The following TMEM135 variants were observed in gnomAD, a reference collection of about 807,000 sequenced individuals.
The protein encoded by TMEM135 is peroxisomal membrane protein 52.
In TMEM135, 30 loss-of-function variants were observed where a neutral mutation model predicts 60.3. That is an observed-to-expected ratio of 0.50 (90% confidence interval 0.37 to 0.68). The LOEUF is 0.68. TMEM135 is among the 30% of genes least tolerant of loss of function. TMEM135 has a pLI of 0.00. For synonymous variants in TMEM135, 190 were observed against 186.7 expected (o/e 1.02, Z -0.14); for missense variants, 468 against 548.8 (o/e 0.85, Z 1.47).
chr11:87,080,759 T>C (rs985234692), intron 3 of TMEM135, among the ~76,000 whole-genome samples: 2 of 152,206 alleles, frequency 1.3e-5, no homozygotes, highest in Non-Finnish European at 2.9e-5. Context: ...TGATGTCGGC[T>C]CACTGCAACC....
At chr11:87,059,374 G>T (rs572948504) in intron 1 of TMEM135, among the ~76,000 whole-genome samples, 1 of 149,360 alleles carries the variant, frequency 6.7e-6, no homozygotes, top group African/African-American at 2.5e-5. Context: ...GCGTGATCTC[G>T]GTTCACTGCA....
intron 6 of TMEM135, among the ~76,000 whole-genome samples, chr11:87,245,601 C>T (rs796149284): frequency 0.047 from 5,748 of 121,144 alleles, 215 homozygotes; most frequent in African/African-American, 0.11. Flanking sequence ...TTTACCATTA[C>T]GTAATGGCCT....
intron 7 of TMEM135, among the ~76,000 whole-genome samples, chr11:87,299,349 G>A (rs566187932): frequency 6.6e-6 from 1 of 152,160 alleles, no homozygotes; most frequent in South Asian, 2.1e-4. Flanking sequence ...GAGAGCTAGA[G>A]TGAGGGAGTG....
intron 3 of TMEM135, among the ~76,000 whole-genome samples, chr11:87,075,754 C>T (rs1213806270): frequency 1.3e-5 from 2 of 152,162 alleles, no homozygotes; most frequent in African/African-American, 2.4e-5. Context: ...GTCCCAAGCC[C>T]AATATCATTA....
chr11:87,216,137 G>A (rs1246360598), intron 5 of TMEM135, among the ~76,000 whole-genome samples: 1 of 152,106 alleles, frequency 6.6e-6, no homozygotes, highest in African/African-American at 2.4e-5. Flanking sequence ...GTGTATATAG[G>A]GTTTGGCATT....
intron 3 of TMEM135, among the ~76,000 whole-genome samples, chr11:87,083,420 T>C (rs1857030320): frequency 6.6e-6 from 1 of 152,206 alleles, no homozygotes; most frequent in Non-Finnish European, 1.5e-5. Flanking sequence ...TGCTTTGATA[T>C]TTAGTATTAG....
intron 4 of TMEM135, among the ~76,000 whole-genome samples, chr11:87,102,814 T>G (rs1857494535): frequency 6.6e-6 from 1 of 151,308 alleles, no homozygotes; most frequent in South Asian, 2.1e-4. Context: ...ATTTGAAATT[T>G]ACTCTTAGCT....
chr11:87,308,599 C>T (rs1330115745), intron 9 of TMEM135, among the ~76,000 whole-genome samples: 1 of 151,680 alleles, frequency 6.6e-6, no homozygotes, highest in Non-Finnish European at 1.5e-5. Flanking sequence ...CAATTCCAGT[C>T]AGAGTTAGAG....
Position 87,327,507 on chromosome 11 carries a change from A to G in TMEM135, c.*6174A>G, listed in dbSNP as rs902103034. 7 of 453,832 alleles carry G rather than the reference A, an allele frequency of 1.5e-5. No individual in the cohort carries two copies. The East Asian group carries it at 4.9e-4, about 32-fold the overall frequency. 28.1% of individuals were successfully genotyped at this position (453,832 alleles called of 1,614,324 possible). ...AGTCAGGGTTTCCCAGAGAGGCAGA[A>G]CAATAGGGATAGAGAGATACATAGA... On this transcript the variant is annotated 3_prime_UTR_variant, in exon 15 of 15. Coordinates refer to ENST00000305494, the MANE Select transcript of TMEM135 (RefSeq NM_022918.4).
chr11:87,041,750 G>A lies in TMEM135; in HGVS notation c.141+3564G>A, dbSNP rs139228042. On this transcript the variant is annotated intron_variant, in intron 1 of 14. Coordinates refer to ENST00000305494, the MANE Select transcript of TMEM135 (RefSeq NM_022918.4). ...TTAATATATGTCTAAATGAGTGAAG[G>A]TATGAATGAATAAGCATATGAATAG... Among the ~76,000 whole-genome samples, 12 of 152,202 alleles carry A rather than the reference G, an allele frequency of 7.9e-5. No homozygotes were observed. In the East Asian group the frequency reaches 1.9e-3, roughly 24 times the overall value.
At chr11:87,159,576 A>G (rs1320730253) in intron 5 of TMEM135, among the ~76,000 whole-genome samples, 3 of 126,472 alleles carry the variant, frequency 2.4e-5, no homozygotes, top group African/African-American at 3.1e-5. Flanking sequence ...CAAAGATACT[A>G]CTGAATACAC....
chr11:87,279,626 T>C (rs546492261), intron 6 of TMEM135, among the ~76,000 whole-genome samples: 14 of 152,362 alleles, frequency 9.2e-5, no homozygotes, highest in African/African-American at 3.4e-4. Flanking sequence ...TAATAATTGC[T>C]TGTTGAACAG....
chr11:87,311,222 T>C (rs189263405), intron 10 of TMEM135, among the ~76,000 whole-genome samples: 1 of 151,862 alleles, frequency 6.6e-6, no homozygotes, highest in East Asian at 1.9e-4. Context: ...ACAGTGTTGT[T>C]TTCTGTAAAA....
At position 87,049,582 on chromosome 11, in the gene TMEM135, A is replaced by G. The variant is rs1949823540; in HGVS notation, c.141+11396A>G. 1.6e-5 allele frequency among the ~76,000 whole-genome samples: 2 copies of G among 126,256 alleles called. 1 individual carries two copies. The highest frequency in any genetic ancestry group is 3.5e-5 in the Non-Finnish European group (2 of 57,876). 82.8% of individuals were successfully genotyped at this position (126,256 alleles called of 152,430 possible). A position where few individuals can be genotyped will look rare whatever the true frequency, so the allele number is the denominator to read the frequency against. ...AAGAGACAAAGAAGGCCATTACATA[A>G]TGGTAAAGGGATCAATTCAACAAGA... On this transcript the variant is annotated intron_variant, in intron 1 of 14. Coordinates refer to ENST00000305494, the MANE Select transcript of TMEM135 (RefSeq NM_022918.4).
intron 5 of TMEM135, among the ~76,000 whole-genome samples, chr11:87,171,729 G>T (rs1939241997): frequency 6.6e-6 from 1 of 152,138 alleles, no homozygotes; most frequent in South Asian, 2.1e-4. Flanking sequence ...TGCCTAGGTA[G>T]TGGTGTCCGA....
chr11:87,175,720 A>G (rs1007234741), intron 5 of TMEM135, among the ~76,000 whole-genome samples: 1 of 152,144 alleles, frequency 6.6e-6, no homozygotes, highest in South Asian at 2.1e-4. Context: ...CAAGAAAGCA[A>G]TTATTTCCAC....
rs143009066 is a variant in TMEM135 at position 87,273,304 on chromosome 11, G to T, written c.510-22478G>T. ...TTAAATAAAATACCATACAGATATT[G>T]TTATTACCTACCCGTGTTTATCAGA... On this transcript the variant is annotated intron_variant, in intron 6 of 14. Coordinates refer to ENST00000305494, the MANE Select transcript of TMEM135 (RefSeq NM_022918.4). 4.7e-3 allele frequency among the ~76,000 whole-genome samples: 709 copies of T among 152,214 alleles called. 2 individuals are homozygous for T. Among genetic ancestry groups the T allele is most frequent in the Middle Eastern group, 0.02 (6 of 294 alleles).
chr11:87,116,119 C>A (rs1374873855), intron 4 of TMEM135, among the ~76,000 whole-genome samples: 2 of 151,996 alleles, frequency 1.3e-5, no homozygotes, highest in Non-Finnish European at 2.9e-5. Flanking sequence ...AGTTTCCATT[C>A]CAGTTTGGCC....
In TMEM135 at chr11:87,051,465, A is replaced by G. The variant is rs1160797420; in HGVS notation, c.141+13279A>G. Among the ~76,000 whole-genome samples the G allele has an allele frequency of 3.3e-5, 2 of 61,100 alleles. 1 individual carries two copies. Among genetic ancestry groups the G allele is most frequent in the Admixed American group, 3.6e-4 (2 of 5,508 alleles). 40.1% of individuals were successfully genotyped at this position (61,100 alleles called of 152,430 possible). On this transcript the variant is annotated intron_variant, in intron 1 of 14. Coordinates refer to ENST00000305494, the MANE Select transcript of TMEM135 (RefSeq NM_022918.4). ...CTTAAGCTGATAAGCAACTTCAGCA[A>G]AGTCTCAGGATACAAAATCAATGTA...
Sources: gnomAD v4.1 joint callset for allele counts (sites outside exome capture counted in the v4.1 genomes callset) on GRCh38, gnomAD v4.1.1 for gene constraint, MANE v1.5 for transcripts, NCBI Gene and HGNC (gene_info 2026-07-23, HGNC 2026-07-21) for gene names.